Variants in NKAIN2 observed in about 807,000 individuals in gnomAD.
NKAIN2 encodes the protein sodium/potassium transporting ATPase interacting 2, also known as sodium/potassium-transporting ATPase subunit beta-1-interacting protein 2.
A neutral mutation model predicts 32.6 loss-of-function variants in NKAIN2; 14 were observed. That is an observed-to-expected ratio of 0.43 (90% CI 0.28 to 0.67). The LOEUF (loss-of-function observed/expected upper bound fraction) is 0.67. Ranked by LOEUF, NKAIN2 falls within the 30% of genes least tolerant of loss-of-function variation. The pLI is 0.17. For missense variants in NKAIN2, 198 were observed against 258.3 expected, an observed-to-expected ratio of 0.77 and a Z score of 1.60; for synonymous variants, 80 against 87.2, an observed-to-expected ratio of 0.92 and a Z score of 0.46.
At chr6:123,841,847 T>A (rs1052260443) in intron 1 of NKAIN2, among the ~76,000 whole-genome samples, 15 of 152,206 alleles carry the variant, frequency 9.9e-5, no homozygotes, top group African/African-American at 3.6e-4. Flanking sequence ...GCTTAAGTTT[T>A]CTTGGATCAG....
intron 1 of NKAIN2, among the ~76,000 whole-genome samples, chr6:124,094,638 T>G (rs541334296): frequency 1.3e-5 from 2 of 152,134 alleles, no homozygotes; most frequent in African/African-American, 4.8e-5. Flanking sequence ...GTTAAATGCC[T>G]TATGTTTTTC....
chr6:123,951,490 T>C (rs925649575), intron 1 of NKAIN2, among the ~76,000 whole-genome samples: 1 of 152,036 alleles, frequency 6.6e-6, no homozygotes, highest in Middle Eastern at 3.2e-3. Context: ...GCTGAATTGA[T>C]CCCTTTATCA....
chr6:124,153,474 A>C (rs1279153037), intron 1 of NKAIN2, among the ~76,000 whole-genome samples: 4 of 151,698 alleles, frequency 2.6e-5, no homozygotes, highest in Non-Finnish European at 4.4e-5. Flanking sequence ...AACTTTTAAC[A>C]TTATCTAGTA....
At chr6:124,384,035 G>A (rs2114385044) in intron 3 of NKAIN2, among the ~76,000 whole-genome samples, 1 of 152,280 alleles carries the variant, frequency 6.6e-6, no homozygotes. Context: ...TATAGTGTAA[G>A]TATTCAATAA....
chr6:124,414,754 C>T (rs1177346188), intron 3 of NKAIN2, among the ~76,000 whole-genome samples: 3 of 152,050 alleles, frequency 2.0e-5, no homozygotes, highest in Non-Finnish European at 2.9e-5. Context: ...GGAATTTGCA[C>T]ATTTGATTTA....
chr6:124,284,965 A>G (rs73770392), intron 2 of NKAIN2, among the ~76,000 whole-genome samples: 20,107 of 152,112 alleles, frequency 0.13, 1,469 homozygotes, highest in East Asian at 0.26. Flanking sequence ...CTTTTGAATA[A>G]AGACGTACCA....
intron 1 of NKAIN2, among the ~76,000 whole-genome samples, chr6:124,178,831 G>A (rs188814013): frequency 1.4e-4 from 21 of 152,250 alleles, no homozygotes; most frequent in Non-Finnish European, 2.9e-4. Context: ...TGAGCACAAT[G>A]TGCTCAAAAA....
chr6:123,994,694 A>G (rs1175978099), intron 1 of NKAIN2, among the ~76,000 whole-genome samples: 2 of 151,988 alleles, frequency 1.3e-5, no homozygotes, highest in African/African-American at 2.4e-5. Context: ...GCCTGTATTT[A>G]AACAGCAAGG....
At chr6:123,935,061 A>G (rs1050248726) in intron 1 of NKAIN2, among the ~76,000 whole-genome samples, 2 of 147,376 alleles carry the variant, frequency 1.4e-5, no homozygotes, top group Non-Finnish European at 3.0e-5. Context: ...TATATTATAT[A>G]TATATTTCTA....
At chr6:124,065,593 A>G (rs578002402) in intron 1 of NKAIN2, among the ~76,000 whole-genome samples, 1 of 152,256 alleles carries the variant, frequency 6.6e-6, no homozygotes, top group African/African-American at 2.4e-5. Context: ...TGAGGATGCA[A>G]CAAGAAAGCC....
intron 3 of NKAIN2, among the ~76,000 whole-genome samples, chr6:124,584,288 A>T (rs1016795506): frequency 6.6e-6 from 1 of 152,334 alleles, no homozygotes; most frequent in African/African-American, 2.4e-5. Flanking sequence ...AACTAAAAAA[A>T]TTAAATAGGA....
At chr6:124,554,406 C>T (rs535806491) in intron 3 of NKAIN2, among the ~76,000 whole-genome samples, 191 of 152,266 alleles carry the variant, frequency 1.3e-3, no homozygotes, top group African/African-American at 4.5e-3. Flanking sequence ...AAATGTTTAT[C>T]AAAGAGCCTA....
intron 3 of NKAIN2, among the ~76,000 whole-genome samples, chr6:124,512,143 A>G (rs530640366): frequency 1.1e-4 from 16 of 152,340 alleles, no homozygotes; most frequent in African/African-American, 3.6e-4. Flanking sequence ...TTATAAACAC[A>G]TATTCCTAAA....
At chr6:124,160,739 A>G (rs985348674) in intron 1 of NKAIN2, among the ~76,000 whole-genome samples, 3 of 152,152 alleles carry the variant, frequency 2.0e-5, no homozygotes. Flanking sequence ...TGATTTATGA[A>G]GGTGTAAATA....
chr6:123,972,292 C>G (rs1258737676), intron 1 of NKAIN2, among the ~76,000 whole-genome samples: 1 of 152,204 alleles, frequency 6.6e-6, no homozygotes, highest in African/African-American at 2.4e-5. Context: ...CACCCATAAC[C>G]TCCATATTGT....
chr6:124,069,240 A>G (rs1783328718), intron 1 of NKAIN2, among the ~76,000 whole-genome samples: 1 of 152,024 alleles, frequency 6.6e-6, no homozygotes, highest in African/African-American at 2.4e-5. Flanking sequence ...ATTTTCTCTT[A>G]GAAATTGTTC....
chr6:124,812,642 C>T (rs995512013), intron 5 of NKAIN2, among the ~76,000 whole-genome samples: 10 of 152,118 alleles, frequency 6.6e-5, no homozygotes. Context: ...TTACATTTCC[C>T]TTTTCCCAAG....
At chr6:124,329,351 A>G (rs772011785) in intron 2 of NKAIN2, among the ~76,000 whole-genome samples, 5 of 152,190 alleles carry the variant, frequency 3.3e-5, no homozygotes, top group African/African-American at 1.2e-4. Context: ...TACTTCTGCC[A>G]GGAGAGTGAC....
intron 5 of NKAIN2, among the ~76,000 whole-genome samples, chr6:124,806,658 T>C (rs1266543444): frequency 1.3e-5 from 2 of 151,916 alleles, no homozygotes; most frequent in Admixed American, 1.3e-4. Flanking sequence ...TAAATGTAAA[T>C]GGACTAAATG....
Sources: allele counts gnomAD v4.1 joint callset (sites outside exome capture counted in the v4.1 genomes callset), GRCh38; gene constraint gnomAD v4.1.1; transcripts MANE v1.5; gene names NCBI Gene and HGNC (gene_info 2026-07-23, HGNC 2026-07-21).